FGF13: variants seen among roughly 807,000 people sequenced by gnomAD.
FGF13 encodes fibroblast growth factor homologous factor 2.
Under a neutral mutation model 19.5 loss-of-function variants are expected in FGF13, and 2 were observed. The observed-to-expected ratio is 0.10, with a 90% CI of 0.04 to 0.32. The LOEUF is 0.32. FGF13 is among the 10% of genes least tolerant of loss of function. FGF13 has a pLI of 1.00. For synonymous variants in FGF13, 72 were observed against 76.9 expected (o/e 0.94, Z 0.33); for missense variants, 113 against 192.7 (o/e 0.59, Z 2.45).
chrX:138,952,643 C>T (rs2091819361), intron 1 of FGF13, among the ~76,000 whole-genome samples: 1 of 111,223 alleles, frequency 9.0e-6, no homozygotes, highest in South Asian at 3.8e-4. Context: ...AACAGGCAAC[C>T]TACAGAATGG....
chrX:138,845,837 G>GT (rs1461783975), intron 3 of FGF13, among the ~76,000 whole-genome samples: 3 of 111,918 alleles, frequency 2.7e-5, no homozygotes, highest in Non-Finnish European at 3.8e-5. Flanking sequence ...GAAAAATCAA[G>GT]TAAGTACAGA....
At chrX:138,964,078 C>T (rs1180907911) in intron 1 of FGF13, among the ~76,000 whole-genome samples, 1 of 111,678 alleles carries the variant, frequency 9.0e-6, no homozygotes, top group African/African-American at 3.3e-5. Context: ...AAACATTAAG[C>T]AAACAATGTA....
At chrX:138,706,910 G>A (rs2124244310) in intron 2 of FGF13, among the ~76,000 whole-genome samples, 1 of 112,276 alleles carries the variant, frequency 8.9e-6, no homozygotes. Flanking sequence ...CCATTTGTAT[G>A]CATCAGGTTA....
At chrX:138,635,337 C>A (rs1344957417) in intron 4 of FGF13, 120 bp downstream of exon 4, 2 of 668,711 alleles carry the variant, frequency 3.0e-6, no homozygotes, top group African/African-American at 4.5e-5. Flanking sequence ...TCAGAAATCA[C>A]CACTAAATAG....
At chrX:138,673,824 G>GCTGGCCTTATATAAGAA (rs1174942805) in intron 3 of FGF13, among the ~76,000 whole-genome samples, 16 of 110,440 alleles carry the variant, frequency 1.4e-4, no homozygotes. Flanking sequence ...GACTGTAAGA[G>GCTGGCCTTATATAAGAA]CTGGCCTTAT....
intron 3 of FGF13, among the ~76,000 whole-genome samples, chrX:138,681,925 C>A (rs1246483687): frequency 9.0e-6 from 1 of 111,608 alleles, no homozygotes; most frequent in Admixed American, 9.5e-5. Flanking sequence ...ATAAGAGTAA[C>A]ATCAAAGATC....
chrX:138,776,771 C>T lies in FGF13; in HGVS notation c.218-67843G>A, dbSNP rs956516925. ...TGTTCTGAGTTCTTTTCTCTAAGCA[C>T]TTTTTGGGACCTCGCTCTGTTGACT... On this transcript the variant is annotated intron_variant, in intron 3 of 6. Transcript: ENST00000436198. 7.2e-5 allele frequency among the ~76,000 whole-genome samples: 8 copies of T among 111,831 alleles called. No individual in the cohort carries two copies. In the South Asian group the frequency reaches 1.1e-3, roughly 16 times the overall value.
At chrX:138,897,108 C>G (rs1041430060) in intron 1 of FGF13, among the ~76,000 whole-genome samples, 1 of 111,516 alleles carries the variant, frequency 9.0e-6, no homozygotes, top group Non-Finnish European at 1.9e-5. Context: ...CTCCCAGGCT[C>G]AAGACATTCT....
At chrX:139,019,274 C>A (rs1331682575) in intron 1 of FGF13, among the ~76,000 whole-genome samples, 1 of 111,337 alleles carries the variant, frequency 9.0e-6, no homozygotes. Flanking sequence ...AATGATTCAA[C>A]GTATACTTTG....
chrX:139,204,068 C>A, upstream of FGF13: 1 of 1,210,892 alleles, frequency 8.3e-7, no homozygotes, highest in Non-Finnish European at 1.1e-6. Context: ...CCCTTAGAAG[C>A]ATCTTTCTCC....
chrX:138,768,738 GATAT>G (rs1207173971), intron 3 of FGF13, among the ~76,000 whole-genome samples: 3 of 94,768 alleles, frequency 3.2e-5, no homozygotes, highest in African/African-American at 1.3e-4. Context: ...ATATATATAT[GATAT>G]ATATATATAT....
intron 1 of FGF13, among the ~76,000 whole-genome samples, chrX:138,732,893 A>T (rs920951366): frequency 3.6e-5 from 4 of 111,103 alleles, no homozygotes; most frequent in Admixed American, 1.9e-4. Flanking sequence ...TCAGAATCAC[A>T]TGGAGTGCTT....
intron 1 of FGF13, among the ~76,000 whole-genome samples, chrX:139,012,637 C>CA (rs960531597): frequency 1.8e-5 from 2 of 111,554 alleles, no homozygotes; most frequent in African/African-American, 6.5e-5. Flanking sequence ...GGATTATTGT[C>CA]AAGCCACATA....
chrX:138,782,077 A>G (rs1378429711), intron 3 of FGF13, among the ~76,000 whole-genome samples: 1 of 111,990 alleles, frequency 8.9e-6, no homozygotes, highest in Non-Finnish European at 1.9e-5. Flanking sequence ...ATCTCAATAG[A>G]TGCAGAAAAG....
At chrX:139,019,290 A>G (rs991077528) in intron 1 of FGF13, among the ~76,000 whole-genome samples, 1 of 111,464 alleles carries the variant, frequency 9.0e-6, no homozygotes, top group Admixed American at 9.6e-5. Flanking sequence ...CTTTGGATGT[A>G]TGTTAGAAAA....
In FGF13 at chrX:138,620,688, AG is replaced by A. The variant is rs1023733632; in HGVS notation, c.*12161del. 9.0e-6 allele frequency: 1 copy of A among 111,640 alleles called. No homozygotes were observed. Among genetic ancestry groups the A allele is most frequent in the African/African-American group, 3.2e-5 (1 of 30,775 alleles). The allele number at this position is 111,640 out of a possible 1,213,427, so 9.2% of individuals were successfully genotyped here. A position where few individuals can be genotyped will look rare whatever the true frequency, so the allele number is the denominator to read the frequency against. The stretch of plus-strand genomic sequence containing the variant: ...TAAATTCTCTAATCAAAAGACAGTG[AG>A]TGGCTGAATGGATGAAAAAGGAAGA... On this transcript the variant is annotated 3_prime_UTR_variant, in exon 5 of 5. Transcript: ENST00000315930.
intron 1 of FGF13, among the ~76,000 whole-genome samples, chrX:138,922,006 CA>C (rs1243572513): frequency 3.2e-5 from 3 of 92,365 alleles, no homozygotes; most frequent in East Asian, 3.5e-4. Context: ...ACAACAACAA[CA>C]AAAAAAACGA....
chrX:138,983,414 TTA>T (rs377155816), intron 1 of FGF13, among the ~76,000 whole-genome samples: 2 of 81,190 alleles, frequency 2.5e-5, no homozygotes, highest in African/African-American at 4.3e-5. Context: ...TAAGTTGATC[TTA>T]TATATATATA....
At chrX:139,129,925 A>G (rs1032907306) in intron 1 of FGF13, among the ~76,000 whole-genome samples, 4 of 111,910 alleles carry the variant, frequency 3.6e-5, no homozygotes, top group Non-Finnish European at 7.5e-5. Context: ...GTCCGTCTCA[A>G]GCCCATTTTC....
Sources: gnomAD v4.1 joint callset for allele counts (sites outside exome capture counted in the v4.1 genomes callset) on GRCh38, gnomAD v4.1.1 for gene constraint, MANE v1.5 for transcripts, NCBI Gene and HGNC (gene_info 2026-07-23, HGNC 2026-07-21) for gene names.